Variants in BCLAF1 observed in about 807,000 individuals in gnomAD.
BCLAF1 encodes the protein bcl-2-associated transcription factor 1.
BCLAF1 carries 10 observed loss-of-function variants against 99.5 expected under a neutral mutation model. The observed-to-expected ratio is 0.10, with a 90% CI of 0.06 to 0.17. The LOEUF (loss-of-function observed/expected upper bound fraction) is 0.17, where lower values mean the gene tolerates loss of function less well. Ranked by LOEUF, BCLAF1 falls within the 10% of genes least tolerant of loss-of-function variation. BCLAF1 has a pLI of 1.00. For synonymous variants in BCLAF1, 255 were observed against 370.9 expected, an observed-to-expected ratio of 0.69 and a Z score of 3.59; for missense variants, 636 against 1,105.8, an observed-to-expected ratio of 0.58 and a Z score of 6.02.
intron 11 of BCLAF1, 121 bp downstream of exon 11, chr6:136,266,908 A>C (rs1781796126): frequency 2.4e-6 from 3 of 1,273,014 alleles, no homozygotes; most frequent in South Asian, 1.6e-5. Flanking sequence ...TTATTTTAAA[A>C]AAGGTTTCCC....
In BCLAF1 at chr6:136,275,988, G is replaced by A. The variant is rs752895107; in HGVS notation, c.1537C>T (p.Pro513Ser). The stretch of plus-strand genomic sequence containing the variant: ...GCATCCAGATTCTTGTGTAGAGGGG[G>A]ACTGTAATCAAAGAGGTCTTTGAGC... ...EKLKDLFDYS[P>S]PLHKNLDARE... The change falls in exon 5 of 13, where the codon CCC (proline) becomes TCC (serine). Residue 513 changes from proline (P) to serine (S), a missense_variant. Pro to Ser is a moderately conservative substitution (Grantham distance 74). Around this residue, in one of 9 missense-constraint regions of BCLAF1, gnomAD observed 186 missense variants for 275.3 expected, o/e 0.68. Coordinates refer to ENST00000531224, the MANE Select transcript of BCLAF1 (RefSeq NM_014739.3). The A allele has an allele frequency of 1.2e-6, 2 of 1,611,780 alleles. No homozygotes were observed. Among genetic ancestry groups the A allele is most frequent in the Non-Finnish European group, 1.7e-6 (2 of 1,179,202 alleles).
chr6:136,258,048 G>C lies in BCLAF1; in HGVS notation c.*3062C>G, dbSNP rs1780563731. 1 of 151,950 alleles carries C rather than the reference G, an allele frequency of 6.6e-6. No homozygotes were observed. Among genetic ancestry groups the C allele is most frequent in the African/African-American group, 2.4e-5 (1 of 41,386 alleles). The allele number at this position is 151,950 out of a possible 1,614,324, so 9.4% of individuals were successfully genotyped here. On this transcript the variant is annotated 3_prime_UTR_variant, in exon 13 of 13. Coordinates refer to ENST00000531224, the MANE Select transcript of BCLAF1 (RefSeq NM_014739.3). Reference sequence around the variant, plus strand: ...TTATTTCTCTCACAGAATTTTTAAGGACTAATTTGCCATTTGTATGAGTCA... The same window carrying C: ...TTATTTCTCTCACAGAATTTTTAAGCACTAATTTGCCATTTGTATGAGTCA...
chr6:136,279,595 C>T, intron 3 of BCLAF1, 168 bp downstream of exon 3: 1 of 673,544 alleles, frequency 1.5e-6, no homozygotes, highest in Non-Finnish European at 2.0e-6. Flanking sequence ...GAGCTTGTTA[C>T]CTGGACATTC....
In BCLAF1 at chr6:136,259,515, C is replaced by A. The variant is rs1780721687; in HGVS notation, c.*1595G>T. The stretch of plus-strand genomic sequence containing the variant: ...GCCCTGATTAATGCAATACATACTT[C>A]CTTTGGCAGGTATTTCCTCTGCTTT... On this transcript the variant is annotated 3_prime_UTR_variant, in exon 13 of 13. Transcript: ENST00000531224. 6.6e-6 allele frequency: 1 copy of A among 152,162 alleles called. No individual in the cohort carries two copies. Among genetic ancestry groups the A allele is most frequent in the South Asian group, 2.1e-4 (1 of 4,832 alleles). The allele number at this position is 152,162 out of a possible 1,614,324, so 9.4% of individuals were successfully genotyped here.
At chr6:136,275,445 G>A in intron 6 of BCLAF1, 87 bp downstream of exon 6, 3 of 1,293,448 alleles carry the variant, frequency 2.3e-6, no homozygotes, top group East Asian at 5.1e-5. Context: ...TAGCCCTGGG[G>A]TACATGAATT....
rs1477625935 is a variant in BCLAF1, at chr6:136,278,016, T to C, written c.865A>G (p.Asn289Asp). 1 of 1,602,100 alleles carries C rather than the reference T, an allele frequency of 6.2e-7. No individual in the cohort carries two copies. Among genetic ancestry groups the C allele is most frequent in the East Asian group, 2.3e-5 (1 of 44,426 alleles). ...NGSSRYSPSQ[N>D]SPIHHIPSRR... ...GAAGGGATGTGATGAATTGGACTATTCTGAGAAGGACTGTATCGACTAGAT... is the reference window on the plus strand; with the variant it reads ...GAAGGGATGTGATGAATTGGACTATCCTGAGAAGGACTGTATCGACTAGAT... Residue 289 changes from asparagine to aspartate, a missense_variant, in exon 4 of 13, where the codon AAT becomes GAT. By Grantham distance (23) the Asn-to-Asp change is conservative. Coordinates refer to ENST00000531224, the MANE Select transcript of BCLAF1 (RefSeq NM_014739.3).
chr6:136,285,727 A>G (rs1661407057), intron 1 of BCLAF1, among the ~76,000 whole-genome samples: 1 of 152,210 alleles, frequency 6.6e-6, no homozygotes, highest in South Asian at 2.1e-4. Context: ...AGGTTCTTAA[A>G]TATCTAAACA....
intron 1 of BCLAF1, among the ~76,000 whole-genome samples, chr6:136,287,338 T>C (rs1281056109): frequency 6.6e-6 from 1 of 152,120 alleles, no homozygotes; most frequent in East Asian, 1.9e-4. Context: ...AATTAAAGTG[T>C]TTGAAAACTC....
chr6:136,284,677 TTGAGA>T (rs1478617412), intron 1 of BCLAF1, among the ~76,000 whole-genome samples: 3 of 152,188 alleles, frequency 2.0e-5, no homozygotes, highest in African/African-American at 4.8e-5. Context: ...TCCAGATAAC[TTGAGA>T]TAAGTGCCTT....
At position 136,261,925 on chromosome 6, in the gene BCLAF1, CTG is replaced by C. The variant is rs1342761086; in HGVS notation, c.2545-450_2545-449del. Among the ~76,000 whole-genome samples the C allele has an allele frequency of 1.1e-4, 16 of 152,084 alleles. No individual in the cohort carries two copies. The East Asian group carries it at 3.1e-3, about 29-fold the overall frequency. On this transcript the variant is annotated intron_variant, in intron 11 of 12. Transcript: ENST00000531224. ...TATTATAACATTCACTAAAATGAAA[CTG>C]GTGGTATGAATTTTATACTTTACAT...
intron 11 of BCLAF1, among the ~76,000 whole-genome samples, chr6:136,265,725 T>C (rs1259509221): frequency 6.6e-6 from 1 of 152,118 alleles, no homozygotes; most frequent in African/African-American, 2.4e-5. Flanking sequence ...TCTACAAAAG[T>C]CTCTCCTAAT....
intron 6 of BCLAF1, chr6:136,273,896 A>G (rs1222540991): frequency 8.6e-6 from 8 of 933,576 alleles, no homozygotes; most frequent in Non-Finnish European, 1.1e-5. Context: ...GTCATGAGCT[A>G]TGAAATGTCA....
intron 1 of BCLAF1, among the ~76,000 whole-genome samples, chr6:136,289,373 G>T (rs746302093): frequency 2.2e-4 from 34 of 152,234 alleles, no homozygotes; most frequent in South Asian, 1.0e-3. Flanking sequence ...GTTCAGTCGG[G>T]CGCGCGCAGA....
chr6:136,257,261 G>A lies in BCLAF1; in HGVS notation c.*3849C>T, dbSNP rs950443102. 1 of 152,106 alleles carries A rather than the reference G, an allele frequency of 6.6e-6. No individual in the cohort carries two copies. Among genetic ancestry groups the A allele is most frequent in the South Asian group, 2.1e-4 (1 of 4,824 alleles). The allele number at this position is 152,106 out of a possible 1,614,324, so 9.4% of individuals were successfully genotyped here. A position where few individuals can be genotyped will look rare whatever the true frequency, so the allele number is the denominator to read the frequency against. Reference sequence around the variant, plus strand: ...AGATTACAATTAAGACACATTATTTGAATGTTTCTAGTTGTGGTGGAATGC... The same window carrying A: ...AGATTACAATTAAGACACATTATTTAAATGTTTCTAGTTGTGGTGGAATGC... On this transcript the variant is annotated 3_prime_UTR_variant, in exon 13 of 13. Coordinates refer to ENST00000531224, the MANE Select transcript of BCLAF1 (RefSeq NM_014739.3).
chr6:136,269,034 C>G, intron 9 of BCLAF1: 2 of 802,266 alleles, frequency 2.5e-6, no homozygotes, highest in African/African-American at 1.9e-5. Context: ...TTCCTCCCCC[C>G]CATCTCTCCC....
Position 136,257,723 on chromosome 6 carries a change from A to G in BCLAF1, c.*3387T>C, listed in dbSNP as rs187944376. The G allele has an allele frequency of 2.5e-3, 388 of 152,240 alleles. 2 individuals are homozygous for G. The highest frequency in any genetic ancestry group is 9.0e-3 in the African/African-American group (373 of 41,562). 9.4% of individuals were successfully genotyped at this position (152,240 alleles called of 1,614,324 possible). A position where few individuals can be genotyped will look rare whatever the true frequency, so the allele number is the denominator to read the frequency against. Reference sequence around the variant, plus strand: ...GTCTAGCCAAATTAATCCCAATGACAATGAAGTTTATTCCTCCATTTGCCT... The same window carrying G: ...GTCTAGCCAAATTAATCCCAATGACGATGAAGTTTATTCCTCCATTTGCCT... On this transcript the variant is annotated 3_prime_UTR_variant, in exon 13 of 13. Coordinates refer to ENST00000531224, the MANE Select transcript of BCLAF1 (RefSeq NM_014739.3).
intron 5 of BCLAF1, 30 bp from the exon 6 acceptor site, chr6:136,275,731 C>A (rs778497077): frequency 6.4e-6 from 10 of 1,561,452 alleles, no homozygotes; most frequent in South Asian, 1.2e-5. Flanking sequence ...CACACACACA[C>A]AAAATATACC....
Position 136,277,954 on chromosome 6 carries a change from A to C in BCLAF1, c.927T>G (p.Asn309Lys). 1 of 1,605,008 alleles carries C rather than the reference A, an allele frequency of 6.2e-7. No homozygotes were observed. Among genetic ancestry groups the C allele is most frequent in the Non-Finnish European group, 8.5e-7 (1 of 1,175,872 alleles). ...GGCCCCTAGACTCATCTCTTGGAGC[A>C]TTCTGTGGTGCGATTGTCTTTGCAG... is the stretch of plus-strand genomic sequence containing the variant. Reference protein sequence around the residue: ...RSPAKTIAPQNAPRDESRGRS... With the variant: ...RSPAKTIAPQKAPRDESRGRS... Residue 309 changes from asparagine to lysine, a missense_variant, in exon 4 of 13, where the codon AAT becomes AAG. This residue lies in a region of BCLAF1 where 186 missense variants were observed against 275.3 expected (regional missense o/e 0.68). Transcript: ENST00000531224.
At chr6:136,279,985 G>T in intron 2 of BCLAF1, 109 bp from the exon 3 acceptor site, 1 of 1,205,256 alleles carries the variant, frequency 8.3e-7, no homozygotes, top group Non-Finnish European at 1.1e-6. Context: ...TTTCTCAAAG[G>T]CTATTATTCA....
Sources: gnomAD v4.1 joint callset for allele counts (sites outside exome capture counted in the v4.1 genomes callset) on GRCh38, gnomAD v4.1.1 for gene constraint, gnomAD v4.1.1 regional missense constraint, MANE v1.5 for transcripts, NCBI Gene and HGNC (gene_info 2026-07-23, HGNC 2026-07-21) for gene names.